BEAN1: variants seen among roughly 807,000 people sequenced by gnomAD.
BEAN1 encodes the protein brain expressed associated with NEDD4 1, also known as protein BEAN1.
In BEAN1, 17 loss-of-function variants were observed where a neutral mutation model predicts 17.7. The observed-to-expected ratio is 0.96, with a 90% CI of 0.66 to 1.44. BEAN1 has a LOEUF of 1.44. Among genes scored for constraint, BEAN1 ranks in the 40% most tolerant of loss-of-function variants. BEAN1 has a pLI of 0.00. For synonymous variants in BEAN1, 142 were observed against 151.8 expected, an observed-to-expected ratio of 0.94 and a Z score of 0.47; for missense variants, 359 against 374.1, an observed-to-expected ratio of 0.96 and a Z score of 0.33.
At chr16:66,459,486 A>AT (rs1963001238) in intron 2 of BEAN1, among the ~76,000 whole-genome samples, 1 of 151,858 alleles carries the variant, frequency 6.6e-6, no homozygotes, top group African/African-American at 2.4e-5. Flanking sequence ...TGCAAGGCTA[A>AT]TTTTTTGTAT....
chr16:66,458,882 G>T (rs1962973534), intron 2 of BEAN1, among the ~76,000 whole-genome samples: 1 of 152,196 alleles, frequency 6.6e-6, no homozygotes, highest in East Asian at 1.9e-4. Context: ...CTAGAAGCTG[G>T]AGGAGCCAGA....
At chr16:66,470,628 A>G (rs1467975866) in intron 3 of BEAN1, among the ~76,000 whole-genome samples, 1 of 152,170 alleles carries the variant, frequency 6.6e-6, no homozygotes, top group Non-Finnish European at 1.5e-5. Flanking sequence ...CAGAGTGCAA[A>G]TAGAACTGAT....
chr16:66,480,704 G>A lies in BEAN1; in HGVS notation c.559G>A (p.Gly187Ser), dbSNP rs564012020. The A allele has an allele frequency of 1.1e-5, 17 of 1,551,624 alleles. No homozygotes were observed. The highest frequency in any genetic ancestry group is 8.3e-5 in the South Asian group (7 of 84,050). Residue 187 changes from glycine to serine, a missense_variant, in exon 5 of 5, where the codon GGC becomes AGC. Gly to Ser is a moderately conservative substitution (Grantham distance 56, BLOSUM62 0). Coordinates refer to ENST00000536005, the MANE Select transcript of BEAN1 (RefSeq NM_001178020.3). ...TLDGTSDSGS[G>S]HSPGRHQQEQ... Reference sequence around the variant, plus strand: ...GGATGGCACCTCCGACTCAGGCAGCGGCCACAGCCCTGGCCGACACCAGCA... The same window carrying A: ...GGATGGCACCTCCGACTCAGGCAGCAGCCACAGCCCTGGCCGACACCAGCA...
At chr16:66,477,092 T>C (rs1963777904) in intron 3 of BEAN1, among the ~76,000 whole-genome samples, 1 of 152,136 alleles carries the variant, frequency 6.6e-6, no homozygotes, top group South Asian at 2.1e-4. Flanking sequence ...TCTTCTTTCT[T>C]ATCTCCCTCC....
chr16:66,449,623 A>AAAG (rs1962594510), intron 2 of BEAN1, among the ~76,000 whole-genome samples: 1 of 151,938 alleles, frequency 6.6e-6, no homozygotes. Context: ...AAAAAAAAAA[A>AAAG]AAAATCACTA....
rs1178097975 is a variant in BEAN1 at position 66,433,804 on chromosome 16, A to ATCTCTGTC, written c.-82-3789_-82-3782dup. On this transcript the variant is annotated intron_variant, in intron 1 of 4. Transcript: ENST00000536005. ...CAAGGCCAGCCCACCCCCACAGCCT[A>ATCTCTGTC]TCTCTGTCTGCCGCCCATGGTGTGA... Among the ~76,000 whole-genome samples, 47 of 152,274 alleles carry ATCTCTGTC rather than the reference A, an allele frequency of 3.1e-4. No homozygotes were observed. The East Asian group carries it at 5.2e-3, about 17-fold the overall frequency.
downstream of BEAN1, chr16:66,484,930 G>GA (rs540893244): frequency 6.7e-4 from 303 of 454,112 alleles, no homozygotes; most frequent in African/African-American, 3.2e-3. The surrounding 1 kb of genome is among the most constrained non-coding windows in gnomAD (Gnocchi z 4.2). Context: ...CCTCTGGCCA[G>GA]AAAAAAGTCT....
chr16:66,443,421 G>T (rs556313816), intron 2 of BEAN1, among the ~76,000 whole-genome samples: 1 of 152,178 alleles, frequency 6.6e-6, no homozygotes, highest in Non-Finnish European at 1.5e-5. Flanking sequence ...AAAATGGTGC[G>T]GTCAGGGCTA....
chr16:66,432,068 C>G (rs763915044), intron 1 of BEAN1, among the ~76,000 whole-genome samples: 16 of 152,254 alleles, frequency 1.1e-4, no homozygotes, highest in South Asian at 1.0e-3. Flanking sequence ...AAAAAACAAA[C>G]AAACAAAGAA....
In BEAN1 at chr16:66,481,470, A is replaced by C. The variant is rs539689867; in HGVS notation, c.*545A>C. 4 of 385,584 alleles carry C rather than the reference A, an allele frequency of 1.0e-5. No individual in the cohort carries two copies. The highest frequency in any genetic ancestry group is 1.8e-5 in the Non-Finnish European group (4 of 218,440). The allele number at this position is 385,584 out of a possible 1,614,324, so 23.9% of individuals were successfully genotyped here. ...TGAGGTTCCGTTGTGCGCTGTGCCT[A>C]TCTCTCGATTCCAGGGCAGATGAGC... is the stretch of plus-strand genomic sequence containing the variant. On this transcript the variant is annotated 3_prime_UTR_variant, in exon 5 of 5. Transcript: ENST00000536005. The surrounding 1 kb of genome is among the most constrained non-coding windows in gnomAD (Gnocchi z 4.1).
chr16:66,482,574 G>C lies in BEAN1; in HGVS notation c.*1649G>C, dbSNP rs2142476136. The C allele has an allele frequency of 3.3e-6, 1 of 304,736 alleles. No homozygotes were observed. Among genetic ancestry groups the C allele is most frequent in the Non-Finnish European group, 6.4e-6 (1 of 156,956 alleles). 18.9% of individuals were successfully genotyped at this position (304,736 alleles called of 1,614,324 possible). A position where few individuals can be genotyped will look rare whatever the true frequency, so the allele number is the denominator to read the frequency against. On this transcript the variant is annotated 3_prime_UTR_variant, in exon 5 of 5. Coordinates refer to ENST00000536005, the MANE Select transcript of BEAN1 (RefSeq NM_001178020.3). ...ACTGTTTTCTAGGCAAAAAATATCT[G>C]TCTGTTGTACTGTATAGCCTTTAAA...
At position 66,477,684 on chromosome 16, in the gene BEAN1, G is replaced by A; in HGVS notation, c.414G>A (p.Arg138=). The change falls in exon 4 of 5, where the codon AGG becomes AGA. Residue 138 remains arginine, a synonymous_variant. Transcript: ENST00000536005. ...GGGACGTGGATGCCACGGTGCTCAGGGAGCTGTACCCAGATTCTCCACCAG... is the reference window on the plus strand; with the variant it reads ...GGGACGTGGATGCCACGGTGCTCAGAGAGCTGTACCCAGATTCTCCACCAG... ...SDGDVDATVL[R]ELYPDSPPGY... The A allele has an allele frequency of 1.3e-6, 2 of 1,550,032 alleles. No individual in the cohort carries two copies. Among genetic ancestry groups the A allele is most frequent in the Non-Finnish European group, 1.7e-6 (2 of 1,146,274 alleles).
At chr16:66,450,974 G>A (rs868346087) in intron 2 of BEAN1, 2 of 152,498 alleles carry the variant, frequency 1.3e-5, no homozygotes, top group Admixed American at 6.5e-5. Context: ...CTTATTTGAA[G>A]AAAGGCTGTT....
intron 2 of BEAN1, among the ~76,000 whole-genome samples, chr16:66,463,464 T>A (rs886786914): frequency 5.3e-5 from 8 of 152,228 alleles, no homozygotes; most frequent in African/African-American, 1.9e-4. Flanking sequence ...TCTGTTCAGA[T>A]CTTTTGACAA....
At chr16:66,441,409 A>C (rs1049552812) in intron 2 of BEAN1, among the ~76,000 whole-genome samples, 1 of 152,122 alleles carries the variant, frequency 6.6e-6, no homozygotes, top group African/African-American at 2.4e-5. Flanking sequence ...TTAATTCCTC[A>C]TTCCAGATCT....
At position 66,437,697 on chromosome 16, in the gene BEAN1, C is replaced by A. The variant is rs989514270; in HGVS notation, c.21C>A (p.Cys7Ter). Residue 7 changes from cysteine (C) to a stop codon, truncating the protein, a stop_gained, in exon 2 of 5, where the codon TGC becomes TGA. Transcript: ENST00000536005. LOFTEE classifies it high-confidence loss of function. Reference protein sequence around the residue: MSFKRPCPLARYNRTSY... With the variant: MSFKRP Reference sequence around the variant, plus strand: ...ATTACATGTCCTTCAAACGTCCCTGCCCCTGTAAGTTTCCTCCCCACATCC... The same window carrying A: ...ATTACATGTCCTTCAAACGTCCCTGACCCTGTAAGTTTCCTCCCCACATCC... 15 of 1,535,738 alleles carry A rather than the reference C, an allele frequency of 9.8e-6. No individual in the cohort carries two copies. The East Asian group carries it at 2.9e-4, about 30-fold the overall frequency.
intron 2 of BEAN1, among the ~76,000 whole-genome samples, chr16:66,440,619 G>A (rs952319840): frequency 1.3e-5 from 2 of 152,186 alleles, no homozygotes; most frequent in African/African-American, 4.8e-5. Context: ...GGGCTCCAGT[G>A]CAGCCCCCGC....
rs1962082883 is a variant in BEAN1 at position 66,437,696 on chromosome 16, G to A, written c.20G>A (p.Cys7Tyr). The stretch of plus-strand genomic sequence containing the variant: ...GATTACATGTCCTTCAAACGTCCCT[G>A]CCCCTGTAAGTTTCCTCCCCACATC... MSFKRPCPLARYNRTSY... is the reference protein window; with the variant it reads MSFKRPYPLARYNRTSY... Residue 7 changes from cysteine to tyrosine, a missense_variant, in exon 2 of 5, where the codon TGC becomes TAC. Cys to Tyr is a radical substitution (Grantham distance 194, BLOSUM62 -2). Coordinates refer to ENST00000536005, the MANE Select transcript of BEAN1 (RefSeq NM_001178020.3). 1.3e-6 allele frequency: 2 copies of A among 1,535,934 alleles called. No individual in the cohort carries two copies. The highest frequency in any genetic ancestry group is 1.7e-6 in the Non-Finnish European group (2 of 1,146,758).
chr16:66,437,310 A>T (rs12931785), intron 1 of BEAN1, among the ~76,000 whole-genome samples: 10 of 124,348 alleles, frequency 8.0e-5, no homozygotes, highest in Non-Finnish European at 1.3e-4. Flanking sequence ...AGACAGAAGA[A>T]CTCTGGGATC....
Sources: allele counts gnomAD v4.1 joint callset (sites outside exome capture counted in the v4.1 genomes callset), GRCh38; gene constraint gnomAD v4.1.1; non-coding constraint Gnocchi (gnomAD v3.1); transcripts MANE v1.5; gene names NCBI Gene and HGNC (gene_info 2026-07-23, HGNC 2026-07-21).